Variants in SH3BP2 observed in about 807,000 individuals in gnomAD.
The protein encoded by SH3BP2 is SH3 domain-binding protein 2.
In SH3BP2, 38 loss-of-function variants were observed where a neutral mutation model predicts 56.2. That is an observed-to-expected ratio of 0.68 (90% CI 0.52 to 0.89). The LOEUF is 0.89. Among genes scored for constraint, SH3BP2 ranks in the 40% least tolerant of loss-of-function variants. SH3BP2 has a pLI of 0.00. For synonymous variants in SH3BP2, 346 were observed against 316.7 expected (o/e 1.09, Z -0.98); for missense variants, 748 against 762.6 (o/e 0.98, Z 0.23).
At chr4:2,822,576 A>C (rs761907894) in intron 2 of SH3BP2, among the ~76,000 whole-genome samples, 15 of 152,140 alleles carry the variant, frequency 9.9e-5, no homozygotes, top group Non-Finnish European at 2.1e-4. Flanking sequence ...GGAGCCTCCA[A>C]CAGCCCTGCA....
chr4:2,809,307 GCCCT>G (rs1723650771), intron 1 of SH3BP2, among the ~76,000 whole-genome samples: 1 of 150,610 alleles, frequency 6.6e-6, no homozygotes, highest in African/African-American at 2.4e-5. Flanking sequence ...CAGGGTTAGT[GCCCT>G]CCCTCCCTCC....
intron 1 of SH3BP2, among the ~76,000 whole-genome samples, chr4:2,806,392 G>A (rs1213683320): frequency 6.6e-6 from 1 of 152,156 alleles, no homozygotes; most frequent in Non-Finnish European, 1.5e-5. Context: ...GGTGGACCCG[G>A]CCCACCCCAC....
intron 2 of SH3BP2, 138 bp from the exon 3 acceptor site, chr4:2,822,797 C>T: frequency 1.4e-6 from 1 of 715,522 alleles, no homozygotes; most frequent in Non-Finnish European, 2.5e-6. Context: ...AGCATGCCAG[C>T]CTTGCTCCCT....
intron 1 of SH3BP2, among the ~76,000 whole-genome samples, chr4:2,813,465 C>G (rs1723853049): frequency 6.6e-6 from 1 of 152,196 alleles, no homozygotes; most frequent in Non-Finnish European, 1.5e-5. Context: ...GCCTGATCCT[C>G]TCCCAGCCTC....
intron 7 of SH3BP2, among the ~76,000 whole-genome samples, chr4:2,828,195 C>G (rs968470638): frequency 6.6e-6 from 1 of 151,808 alleles, no homozygotes. Flanking sequence ...TCCTCTGTCG[C>G]CTCCCTCCCT....
chr4:2,801,376 G>A (rs764161088), intron 1 of SH3BP2, among the ~76,000 whole-genome samples: 1 of 152,254 alleles, frequency 6.6e-6, no homozygotes, highest in Non-Finnish European at 1.5e-5. Flanking sequence ...TTCCCAGGCT[G>A]AGGAGGAACA....
In SH3BP2 at chr4:2,839,442, A is replaced by T. The variant is rs1317679010; in HGVS notation, c.*5608A>T. On this transcript the variant is annotated 3_prime_UTR_variant, in exon 13 of 13. Transcript: ENST00000503393. ...GCCTCAGCCTCCCAAAGTTGGGATTATAGGCGTGAGCTACCAGATTTTTTC... is the reference window on the plus strand; with the variant it reads ...GCCTCAGCCTCCCAAAGTTGGGATTTTAGGCGTGAGCTACCAGATTTTTTC... 2.6e-5 allele frequency: 4 copies of T among 152,212 alleles called. No individual in the cohort carries two copies. 9.4% of individuals were successfully genotyped at this position (152,212 alleles called of 1,614,324 possible).
chr4:2,816,684 C>T (rs141156261), intron 1 of SH3BP2, among the ~76,000 whole-genome samples: 1,822 of 152,230 alleles, frequency 0.012, 20 homozygotes, highest in Non-Finnish European at 0.017. Context: ...ACTTGTTCTT[C>T]GTCTATCAAA....
In SH3BP2 at chr4:2,833,972, G is replaced by A. The variant is rs997564909; in HGVS notation, c.*138G>A. On this transcript the variant is annotated 3_prime_UTR_variant, in exon 13 of 13. Coordinates refer to ENST00000503393, the MANE Select transcript of SH3BP2 (RefSeq NM_001122681.2). ...CTAGGGCCTCTGTGATGGACATCTC[G>A]TAGGACCCAGCCAGTCTCATCCAGC... 48 of 1,043,880 alleles carry A rather than the reference G, an allele frequency of 4.6e-5. No homozygotes were observed. Among genetic ancestry groups the A allele is most frequent in the Middle Eastern group, 6.3e-4 (2 of 3,172 alleles). 64.7% of individuals were successfully genotyped at this position (1,043,880 alleles called of 1,614,324 possible).
intron 11 of SH3BP2, 26 bp from the exon 12 acceptor site, chr4:2,832,964 G>A (rs371939604): frequency 3.7e-5 from 60 of 1,612,828 alleles, no homozygotes; most frequent in Middle Eastern, 1.6e-4. Context: ...TCAGGGAGCC[G>A]TCAGCCTCCC....
At chr4:2,819,740 T>C (rs1489028893) in intron 1 of SH3BP2, among the ~76,000 whole-genome samples, 1 of 152,026 alleles carries the variant, frequency 6.6e-6, no homozygotes, top group Non-Finnish European at 1.5e-5. Context: ...ACTCTTAACC[T>C]GGGTCTTGAT....
intron 10 of SH3BP2, 76 bp downstream of exon 10, chr4:2,832,054 T>G (rs1047203841): frequency 6.7e-7 from 1 of 1,489,908 alleles, no homozygotes; most frequent in Non-Finnish European, 9.3e-7. Flanking sequence ...CTCACTAGCT[T>G]CCGTGTTGGG....
chr4:2,820,367 C>G (rs898297809), intron 1 of SH3BP2, among the ~76,000 whole-genome samples: 3 of 152,202 alleles, frequency 2.0e-5, no homozygotes, highest in Non-Finnish European at 4.4e-5. Flanking sequence ...GCACGTAGCG[C>G]TCAGGATCCT....
intron 1 of SH3BP2, among the ~76,000 whole-genome samples, chr4:2,816,147 C>T (rs1045121030): frequency 3.9e-5 from 6 of 152,016 alleles, no homozygotes; most frequent in African/African-American, 7.3e-5. Context: ...CTCCACCTCC[C>T]GGGTTCAAGC....
chr4:2,828,464 A>G (rs1252914869), intron 7 of SH3BP2, among the ~76,000 whole-genome samples: 1 of 151,700 alleles, frequency 6.6e-6, no homozygotes, highest in Non-Finnish European at 1.5e-5. Flanking sequence ...CTGGGGTCCC[A>G]GTGCCAACAG....
chr4:2,812,524 C>A, intron 1 of SH3BP2: 1 of 1,531,158 alleles, frequency 6.5e-7, no homozygotes, highest in Non-Finnish European at 8.8e-7. Flanking sequence ...CGGCACTGGT[C>A]TAGCACCTGA....
rs1232849407 is a variant in SH3BP2, at chr4:2,833,691, C to G, written c.1549-6C>G. 3 of 1,609,386 alleles carry G rather than the reference C, an allele frequency of 1.9e-6. No homozygotes were observed. Among genetic ancestry groups the G allele is most frequent in the Middle Eastern group, 1.6e-4 (1 of 6,080 alleles). On this transcript the variant is annotated splice_polypyrimidine_tract_variant and splice_region_variant and intron_variant, in intron 12 of 12. Transcript: ENST00000503393. ...TGCTGACGCTCCCCCTTCTCTTCCC[C>G]CACAGGACTCTAAGTTCTACCTGGA...
chr4:2,822,831 G>C (rs1200992586), intron 2 of SH3BP2, 104 bp from the exon 3 acceptor site: 5 of 829,258 alleles, frequency 6.0e-6, no homozygotes, highest in Non-Finnish European at 8.2e-6. Context: ...GTAAGGCTTA[G>C]AGGCAGGAGG....
intron 12 of SH3BP2, 154 bp from the exon 13 acceptor site, chr4:2,833,543 C>A: frequency 1.1e-6 from 1 of 890,180 alleles, no homozygotes; most frequent in Non-Finnish European, 1.8e-6. Context: ...AGGCCTGATG[C>A]GGAGGCCACC....
Sources: allele counts gnomAD v4.1 joint callset (sites outside exome capture counted in the v4.1 genomes callset), GRCh38; gene constraint gnomAD v4.1.1; transcripts MANE v1.5; gene names NCBI Gene and HGNC (gene_info 2026-07-23, HGNC 2026-07-21).